The following ASS1 variants were observed in gnomAD, a reference collection of about 807,000 sequenced individuals.
ASS1 encodes the protein argininosuccinate synthase.
In ASS1, 58 loss-of-function variants were observed where a neutral mutation model predicts 60.5. The ratio of observed to expected loss-of-function variants is 0.96; its 90% CI spans 0.78 to 1.19. The LOEUF (loss-of-function observed/expected upper bound fraction) is 1.19. Among genes scored for constraint, ASS1 ranks in the 50% most tolerant of loss-of-function variants. ASS1 has a pLI of 0.00. For missense variants in ASS1, 454 were observed against 547.3 expected, an observed-to-expected ratio of 0.83 and a Z score of 1.70; for synonymous variants, 200 against 206.9, an observed-to-expected ratio of 0.97 and a Z score of 0.29.
intron 1 of ASS1, among the ~76,000 whole-genome samples, chr9:130,448,085 C>G (rs1350150731): frequency 6.6e-6 from 1 of 151,890 alleles, no homozygotes; most frequent in Non-Finnish European, 1.5e-5. Context: ...GGTTCCTTCT[C>G]TCCCTGTCAC....
At chr9:130,479,280 G>T (rs963941577) in intron 9 of ASS1, among the ~76,000 whole-genome samples, 1 of 151,718 alleles carries the variant, frequency 6.6e-6, no homozygotes, top group Non-Finnish European at 1.5e-5. Context: ...GTGGCAGGGG[G>T]CTGTGTGTGT....
intron 11 of ASS1, among the ~76,000 whole-genome samples, chr9:130,485,156 G>A (rs534311531): frequency 2.6e-5 from 4 of 152,274 alleles, no homozygotes; most frequent in African/African-American, 4.8e-5. Context: ...GCTCTTCCTC[G>A]AGCCCTGAAC....
intron 12 of ASS1, among the ~76,000 whole-genome samples, chr9:130,493,828 G>A (rs1475071664): frequency 2.0e-5 from 3 of 152,216 alleles, no homozygotes; most frequent in Non-Finnish European, 4.4e-5. Flanking sequence ...GGGGCAGACT[G>A]GGGTCTGAGC....
Position 130,464,173 on chromosome 9 carries a change from A to T in ASS1, c.420+6A>T, listed in dbSNP as rs764454808. 1.2e-6 allele frequency: 2 copies of T among 1,614,070 alleles called. No individual in the cohort carries two copies. Among genetic ancestry groups the T allele is most frequent in the Non-Finnish European group, 1.7e-6 (2 of 1,179,936 alleles). ...CACTGGCCCCCCAGATAAAGGTAGG[A>T]TGTGGCTCCTCCCCTTAGCAGGGAG... is the stretch of plus-strand genomic sequence containing the variant. On this transcript the variant is annotated splice_donor_region_variant and intron_variant, in intron 5 of 14. Coordinates refer to ENST00000352480, the MANE Select transcript of ASS1 (RefSeq NM_054012.4).
intron 13 of ASS1, 36 bp downstream of exon 13, chr9:130,495,059 G>A: frequency 6.3e-7 from 1 of 1,581,146 alleles, no homozygotes. Flanking sequence ...CCCCCACTTG[G>A]GCACAGAGCC....
chr9:130,482,915 T>C (rs1846206593), intron 11 of ASS1, among the ~76,000 whole-genome samples: 1 of 152,222 alleles, frequency 6.6e-6, no homozygotes, highest in Non-Finnish European at 1.5e-5. Flanking sequence ...ATCGGGATTC[T>C]GACGGCAAGA....
rs1052600920 is a variant in ASS1 at position 130,479,600 on chromosome 9, C to T, written c.689-116C>T. 3.2e-5 allele frequency: 27 copies of T among 840,270 alleles called. No homozygotes were observed. In the African/African-American group the frequency reaches 4.5e-4, roughly 14 times the overall value. 52.1% of individuals were successfully genotyped at this position (840,270 alleles called of 1,614,324 possible). A position where few individuals can be genotyped will look rare whatever the true frequency, so the allele number is the denominator to read the frequency against. ...GCTTTTGAAGGAGTCATTTGGAGTCCATATCTGTCACATCCATTTAAGGCG... is the reference window on the plus strand; with the variant it reads ...GCTTTTGAAGGAGTCATTTGGAGTCTATATCTGTCACATCCATTTAAGGCG... On this transcript the variant is annotated intron_variant, in intron 9 of 14. Coordinates refer to ENST00000352480, the MANE Select transcript of ASS1 (RefSeq NM_054012.4).
rs1374201679 is a variant in ASS1, at chr9:130,470,329, G to A, written c.496-505G>A. Among the ~76,000 whole-genome samples the A allele has an allele frequency of 6.6e-6, 1 of 152,184 alleles. No individual in the cohort carries two copies. The highest frequency in any genetic ancestry group is 1.5e-5 in the Non-Finnish European group (1 of 68,026). ...GCAGAGTGATGTGTGTGGCTGTTGC[G>A]CCAGGCCCAGGGAGGGGTGCCCCCA... On this transcript the variant is annotated intron_variant, in intron 6 of 14. Transcript: ENST00000352480. The surrounding 1 kb of genome is among the most constrained non-coding windows in gnomAD (Gnocchi z 4.3).
Position 130,494,958 on chromosome 9 carries a change from C to T in ASS1, c.1062C>T (p.Leu354=), listed in dbSNP as rs763822587. 4.3e-6 allele frequency: 7 copies of T among 1,613,564 alleles called. No homozygotes were observed. The highest frequency in any genetic ancestry group is 1.7e-4 in the Middle Eastern group (1 of 6,012). The change falls in exon 13 of 15, where the codon CTC becomes CTT. Residue 354 remains leucine, a synonymous_variant. Coordinates refer to ENST00000352480, the MANE Select transcript of ASS1 (RefSeq NM_054012.4). The surrounding 1 kb of genome is among the most constrained non-coding windows in gnomAD (Gnocchi z 4.3). ...AAGGGAAAGTGCAGGTGTCCGTCCT[C>T]AAGGGCCAGGTGTACATCCTCGGCC... ...RVEGKVQVSV[L]KGQVYILGRE...
intron 7 of ASS1, 24 bp from the exon 8 acceptor site, chr9:130,471,461 C>T (rs768162825): frequency 1.9e-6 from 3 of 1,614,010 alleles, no homozygotes; most frequent in African/African-American, 1.3e-5. Context: ...CCAGCTGACC[C>T]TGTCTTTCCT....
chr9:130,475,744 T>G (rs1845997649), intron 8 of ASS1, among the ~76,000 whole-genome samples: 1 of 147,768 alleles, frequency 6.8e-6, no homozygotes, highest in African/African-American at 2.5e-5. Flanking sequence ...GCAAGGTGTT[T>G]TTTTTTTTTT....
rs1449683791 is a variant in ASS1, at chr9:130,470,054, G to A, written c.496-780G>A. On this transcript the variant is annotated intron_variant, in intron 6 of 14. Transcript: ENST00000352480. This position sits in a 1 kb window ranked among gnomAD's most constrained non-coding sequence, Gnocchi z 4.3. ...TGCAGGAGGAGGCTGGAGTGCACGA[G>A]CTGGATTCCAGTCGGGCGTCATCAA... is the stretch of plus-strand genomic sequence containing the variant. 6.6e-6 allele frequency among the ~76,000 whole-genome samples: 1 copy of A among 152,186 alleles called. No individual in the cohort carries two copies. Among genetic ancestry groups the A allele is most frequent in the Non-Finnish European group, 1.5e-5 (1 of 68,022 alleles).
rs1253194164 is a variant in ASS1 at position 130,494,485 on chromosome 9, T to C, written c.971-382T>C. On this transcript the variant is annotated intron_variant, in intron 12 of 14. Transcript: ENST00000352480. This position sits in a 1 kb window ranked among gnomAD's most constrained non-coding sequence, Gnocchi z 4.3. ...CCTCTGAGTCCTGTCTGAGGTCTTCTGCCTCCCCCGGAGATTAGAGCCTCC... is the reference window on the plus strand; with the variant it reads ...CCTCTGAGTCCTGTCTGAGGTCTTCCGCCTCCCCCGGAGATTAGAGCCTCC... 6.6e-6 allele frequency among the ~76,000 whole-genome samples: 1 copy of C among 152,248 alleles called. No individual in the cohort carries two copies. The highest frequency in any genetic ancestry group is 2.4e-5 in the African/African-American group (1 of 41,474).
chr9:130,453,452 G>A (rs1263358512), intron 2 of ASS1, among the ~76,000 whole-genome samples: 1 of 152,254 alleles, frequency 6.6e-6, no homozygotes, highest in Admixed American at 6.5e-5. Context: ...GGAAAGTGAG[G>A]CCCAGGGGAA....
intron 13 of ASS1, among the ~76,000 whole-genome samples, chr9:130,496,381 A>G (rs769096796): frequency 1.3e-5 from 2 of 151,926 alleles, no homozygotes; most frequent in Non-Finnish European, 2.9e-5. Flanking sequence ...TGATCATGCC[A>G]CTGCACTCCA....
intron 13 of ASS1, among the ~76,000 whole-genome samples, chr9:130,496,052 G>T (rs1846592688): frequency 1.3e-5 from 2 of 152,128 alleles, no homozygotes; most frequent in East Asian, 3.9e-4. Flanking sequence ...AGACCCTGGA[G>T]CATCATAGGC....
At chr9:130,490,289 T>C (rs1846418300) in intron 12 of ASS1, among the ~76,000 whole-genome samples, 2 of 152,204 alleles carry the variant, frequency 1.3e-5, no homozygotes, top group African/African-American at 2.4e-5. Context: ...CTAAGAATAG[T>C]TTTTACATTT....
At chr9:130,479,841 G>A (rs369589803) in intron 10 of ASS1, 41 bp downstream of exon 10, 143 of 1,584,804 alleles carry the variant, frequency 9.0e-5, no homozygotes, top group African/African-American at 6.1e-4. Flanking sequence ...GGGAACCGCC[G>A]TCTCGGGCGA....
chr9:130,458,618 G>A lies in ASS1; in HGVS notation c.363+29G>A, dbSNP rs1845508264. ...AGGCACCTGGGAAGGGCCGGGCAGAGGGAGATGGAGGCGGAGGGGTGTGGG... is the reference window on the plus strand; with the variant it reads ...AGGCACCTGGGAAGGGCCGGGCAGAAGGAGATGGAGGCGGAGGGGTGTGGG... On this transcript the variant is annotated intron_variant, in intron 4 of 14. Coordinates refer to ENST00000352480, the MANE Select transcript of ASS1 (RefSeq NM_054012.4). The A allele has an allele frequency of 5.0e-6, 8 of 1,605,166 alleles. No homozygotes were observed. In the South Asian group the frequency reaches 8.9e-5, roughly 18 times the overall value.
Sources: gnomAD v4.1 joint callset for allele counts (sites outside exome capture counted in the v4.1 genomes callset) on GRCh38, gnomAD v4.1.1 for gene constraint, Gnocchi (gnomAD v3.1) non-coding constraint, MANE v1.5 for transcripts, NCBI Gene and HGNC (gene_info 2026-07-23, HGNC 2026-07-21) for gene names.